ANTXR1: variants seen among roughly 807,000 people sequenced by gnomAD.
ANTXR1 encodes anthrax toxin receptor 1.
In ANTXR1, 19 loss-of-function variants were observed where a neutral mutation model predicts 78.1. The ratio of observed to expected loss-of-function variants is 0.24; its 90% confidence interval spans 0.17 to 0.36. The LOEUF is 0.36. ANTXR1 is among the 10% of genes least tolerant of loss of function. ANTXR1 has a pLI of 1.00. For missense variants in ANTXR1, 518 were observed against 718.6 expected (o/e 0.72, Z 3.19); for synonymous variants, 273 against 260.5 (o/e 1.05, Z -0.46).
intron 17 of ANTXR1, among the ~76,000 whole-genome samples, chr2:69,237,826 ATATG>A (rs568605836): frequency 4.3e-4 from 65 of 152,342 alleles, no homozygotes; most frequent in Middle Eastern, 3.4e-3. Flanking sequence ...ACATGCATAT[ATATG>A]TATGTATATG....
intron 13 of ANTXR1, among the ~76,000 whole-genome samples, chr2:69,164,236 C>A (rs1673763243): frequency 6.6e-6 from 1 of 152,146 alleles, no homozygotes; most frequent in Non-Finnish European, 1.5e-5. Context: ...GTAAGGCCAA[C>A]CCGTGACTCT....
intron 17 of ANTXR1, among the ~76,000 whole-genome samples, chr2:69,228,772 G>C (rs1012210297): frequency 5.9e-5 from 9 of 152,178 alleles, no homozygotes; most frequent in African/African-American, 1.9e-4. Context: ...CAATGTTGTG[G>C]GATAGGAAAA....
chr2:69,024,579 G>C lies in ANTXR1; in HGVS notation c.152+10928G>C, dbSNP rs79701529. Among the ~76,000 whole-genome samples, 54 of 152,198 alleles carry C rather than the reference G, an allele frequency of 3.5e-4. No homozygotes were observed. In the East Asian group the frequency reaches 0.01, roughly 29 times the overall value. ...GGGACAGAATTTCAATGGGGGGAAG[G>C]GGTGATCATTCAGATGCTTTCTCCT... On this transcript the variant is annotated intron_variant, in intron 1 of 17. Transcript: ENST00000303714.
chr2:69,018,709 C>T (rs563745794), intron 1 of ANTXR1, among the ~76,000 whole-genome samples: 61 of 152,258 alleles, frequency 4.0e-4, no homozygotes, highest in African/African-American at 1.1e-3. Flanking sequence ...GATTAGATCA[C>T]GACAGAGCTA....
intron 1 of ANTXR1, among the ~76,000 whole-genome samples, chr2:69,029,045 C>T (rs564004573): frequency 1.3e-5 from 2 of 148,448 alleles, no homozygotes; most frequent in South Asian, 2.2e-4. Context: ...GTTGAGACCC[C>T]CCCCCCTCCA....
At chr2:69,227,923 C>G (rs1392089671) in intron 17 of ANTXR1, among the ~76,000 whole-genome samples, 1 of 152,214 alleles carries the variant, frequency 6.6e-6, no homozygotes, top group Non-Finnish European at 1.5e-5. Context: ...CTTGAAGCAG[C>G]TTTTGCAAGG....
At chr2:69,202,134 GAGA>G (rs768896568) in intron 17 of ANTXR1, among the ~76,000 whole-genome samples, 1 of 152,270 alleles carries the variant, frequency 6.6e-6, no homozygotes, top group East Asian at 1.9e-4. Flanking sequence ...GAGGGGTAGA[GAGA>G]AGAAGTTAAG....
chr2:69,228,519 T>C (rs1250077879), intron 17 of ANTXR1, among the ~76,000 whole-genome samples: 1 of 152,080 alleles, frequency 6.6e-6, no homozygotes, highest in Non-Finnish European at 1.5e-5. Context: ...AGAGATAGCC[T>C]GGGAAAATTA....
intron 17 of ANTXR1, among the ~76,000 whole-genome samples, chr2:69,212,692 C>T: frequency 6.6e-6 from 1 of 152,186 alleles, no homozygotes; most frequent in Non-Finnish European, 1.5e-5. Context: ...TGCTCCATCA[C>T]TCAGGCTGGA....
At chr2:69,044,907 C>T (rs866868708) in intron 3 of ANTXR1, 94 bp downstream of exon 3, 1 of 1,247,848 alleles carries the variant, frequency 8.0e-7, no homozygotes, top group Non-Finnish European at 1.2e-6. Context: ...ACCTGTTGAT[C>T]ACTTTAATCT....
At chr2:69,125,602 A>C (rs935258600) in intron 12 of ANTXR1, among the ~76,000 whole-genome samples, 4 of 152,212 alleles carry the variant, frequency 2.6e-5, no homozygotes, top group African/African-American at 9.6e-5. Context: ...GCACTTTGGG[A>C]GGCTGAGGTG....
chr2:69,098,520 T>C (rs1002593115), intron 9 of ANTXR1, among the ~76,000 whole-genome samples: 12 of 152,206 alleles, frequency 7.9e-5, no homozygotes, highest in Admixed American at 5.9e-4. Context: ...GCAATCTTTA[T>C]TGAGGTCATC....
At chr2:69,048,415 AT>A (rs1348926931) in intron 3 of ANTXR1, among the ~76,000 whole-genome samples, 1 of 152,154 alleles carries the variant, frequency 6.6e-6, no homozygotes, top group Non-Finnish European at 1.5e-5. Flanking sequence ...TTATTCAGAA[AT>A]TTAGCACCCC....
intron 3 of ANTXR1, among the ~76,000 whole-genome samples, chr2:69,054,300 A>G (rs529143588): frequency 1.3e-5 from 2 of 152,180 alleles, no homozygotes; most frequent in Admixed American, 1.3e-4. Context: ...AGGATTTCCC[A>G]TGATTTTACT....
chr2:69,227,246 A>G (rs1675479918), intron 17 of ANTXR1, among the ~76,000 whole-genome samples: 1 of 152,166 alleles, frequency 6.6e-6, no homozygotes, highest in Non-Finnish European at 1.5e-5. Flanking sequence ...CTTTAGTTTT[A>G]TCTGAGAGGC....
intron 17 of ANTXR1, among the ~76,000 whole-genome samples, chr2:69,224,965 G>C (rs891179738): frequency 2.5e-4 from 38 of 150,336 alleles, no homozygotes; most frequent in Admixed American, 2.0e-3. Flanking sequence ...GACATCTAGA[G>C]TGTCACCCTC....
chr2:69,091,630 T>C (rs535409736), intron 9 of ANTXR1, among the ~76,000 whole-genome samples: 1 of 152,246 alleles, frequency 6.6e-6, no homozygotes, highest in African/African-American at 2.4e-5. Flanking sequence ...ATAGTGGTCA[T>C]AGGCCATACT....
rs559759623 is a variant in ANTXR1, at chr2:69,032,484, A to G, written c.153-7560A>G. 1.3e-3 allele frequency among the ~76,000 whole-genome samples: 197 copies of G among 152,008 alleles called. 1 individual carries two copies. Among genetic ancestry groups the G allele is most frequent in the African/African-American group, 4.5e-3 (185 of 41,454 alleles). On this transcript the variant is annotated intron_variant, in intron 1 of 17. Coordinates refer to ENST00000303714, the MANE Select transcript of ANTXR1 (RefSeq NM_032208.3). ...TCTGCGTCACTTCCTCCTAAGTAAC[A>G]TCATCCACAGCCACTCTCACCCGAC...
chr2:69,092,760 A>G (rs1375009262), intron 9 of ANTXR1, among the ~76,000 whole-genome samples: 3 of 152,188 alleles, frequency 2.0e-5, no homozygotes, highest in Admixed American at 1.3e-4. Flanking sequence ...TGCAGTGAGG[A>G]GCCTCAGTTA....
Sources: allele counts gnomAD v4.1 joint callset (sites outside exome capture counted in the v4.1 genomes callset), GRCh38; gene constraint gnomAD v4.1.1; transcripts MANE v1.5; gene names NCBI Gene and HGNC (gene_info 2026-07-23, HGNC 2026-07-21).